KCNIP4: variants seen among roughly 807,000 people sequenced by gnomAD.
KCNIP4 encodes potassium voltage-gated channel interacting protein 4.
In KCNIP4, 12 loss-of-function variants were observed where a neutral mutation model predicts 34.0. That is an observed-to-expected ratio of 0.35 (90% CI 0.23 to 0.57). The LOEUF is 0.57. Ranked by LOEUF, KCNIP4 falls within the 20% of genes least tolerant of loss-of-function variation. The probability of loss-of-function intolerance (pLI) is 0.83; values close to 1 mark genes in which losing one functional copy is unlikely to be tolerated. For missense variants in KCNIP4, 238 were observed against 311.7 expected, an observed-to-expected ratio of 0.76 and a Z score of 1.78; for synonymous variants, 124 against 102.2, an observed-to-expected ratio of 1.21 and a Z score of -1.29.
intron 1 of KCNIP4, among the ~76,000 whole-genome samples, chr4:21,166,372 C>T (rs938839559): frequency 2.0e-5 from 3 of 152,122 alleles, no homozygotes; most frequent in African/African-American, 7.2e-5. Flanking sequence ...TACTGTTACA[C>T]TCCTGGTAAA....
At chr4:21,166,206 A>T (rs1753617311) in intron 1 of KCNIP4, among the ~76,000 whole-genome samples, 1 of 152,212 alleles carries the variant, frequency 6.6e-6, no homozygotes, top group South Asian at 2.1e-4. Flanking sequence ...GTGCTCTCAA[A>T]ACTGAATAAT....
At chr4:21,694,937 T>TA (rs1404975087) in intron 1 of KCNIP4, among the ~76,000 whole-genome samples, 1 of 64,238 alleles carries the variant, frequency 1.6e-5, no homozygotes, top group African/African-American at 7.0e-5. Context: ...AAAATAAAAA[T>TA]AAATAAATAA....
intron 1 of KCNIP4, among the ~76,000 whole-genome samples, chr4:21,870,640 C>T (rs1192156324): frequency 1.3e-5 from 2 of 152,218 alleles, no homozygotes; most frequent in Admixed American, 1.3e-4. Context: ...CTTTGAGCAG[C>T]TTGCTTCGCC....
At chr4:20,901,646 T>C (rs748643803) in intron 1 of KCNIP4, among the ~76,000 whole-genome samples, 2 of 152,188 alleles carry the variant, frequency 1.3e-5, no homozygotes, top group African/African-American at 2.4e-5. Context: ...TGGTGATACA[T>C]AGGTTAAAGT....
intron 1 of KCNIP4, among the ~76,000 whole-genome samples, chr4:21,447,007 A>T (rs533114207): frequency 6.6e-6 from 1 of 152,060 alleles, no homozygotes; most frequent in Non-Finnish European, 1.5e-5. Flanking sequence ...CAGAAAAAAA[A>T]AAAGAAAAAG....
At chr4:21,350,257 C>G (rs547547841) in intron 1 of KCNIP4, among the ~76,000 whole-genome samples, 1 of 151,982 alleles carries the variant, frequency 6.6e-6, no homozygotes, top group Non-Finnish European at 1.5e-5. Context: ...CATTCAGCAA[C>G]GTCTTTTATA....
intron 1 of KCNIP4, among the ~76,000 whole-genome samples, chr4:21,069,359 T>C (rs972586873): frequency 2.0e-5 from 3 of 152,266 alleles, no homozygotes; most frequent in Admixed American, 1.3e-4. Context: ...CACATCATTC[T>C]ACTCTGTTGA....
chr4:21,251,152 A>C (rs112253725), intron 1 of KCNIP4, among the ~76,000 whole-genome samples: 2 of 152,296 alleles, frequency 1.3e-5, no homozygotes, highest in African/African-American at 4.8e-5. Context: ...TAACTAGTAG[A>C]AACACAATGT....
chr4:21,427,898 C>T (rs1377138340), intron 1 of KCNIP4, among the ~76,000 whole-genome samples: 1 of 152,116 alleles, frequency 6.6e-6, no homozygotes, highest in Non-Finnish European at 1.5e-5. Context: ...GGCATACCAG[C>T]TATATAGGTT....
chr4:20,838,929 C>T (rs1254329108), intron 3 of KCNIP4, among the ~76,000 whole-genome samples: 1 of 152,166 alleles, frequency 6.6e-6, no homozygotes, highest in Non-Finnish European at 1.5e-5. Context: ...AAACTACCTA[C>T]ATTTTAATGT....
intron 2 of KCNIP4, among the ~76,000 whole-genome samples, chr4:20,871,335 G>A (rs561257111): frequency 1.3e-5 from 2 of 152,186 alleles, no homozygotes; most frequent in Admixed American, 1.3e-4. Context: ...GGCTGAAGAT[G>A]TGAATATCAG....
intron 1 of KCNIP4, among the ~76,000 whole-genome samples, chr4:21,631,625 C>T (rs1745771611): frequency 6.6e-6 from 1 of 152,150 alleles, no homozygotes. Context: ...AAACCCTCTG[C>T]TATGTCCTCT....
intron 1 of KCNIP4, among the ~76,000 whole-genome samples, chr4:21,394,841 G>T (rs939774619): frequency 1.3e-5 from 2 of 152,050 alleles, no homozygotes; most frequent in African/African-American, 4.8e-5. Context: ...AAAAAGTCTT[G>T]ATTGACACTT....
At chr4:21,578,331 TCAAAAAAA>T (rs1400427861) in intron 1 of KCNIP4, among the ~76,000 whole-genome samples, 1 of 12,750 alleles carries the variant, frequency 7.8e-5, no homozygotes, top group African/African-American at 4.6e-4. Flanking sequence ...AGACTCCGTC[TCAAAAAAA>T]AAAAAAAAAA....
intron 1 of KCNIP4, among the ~76,000 whole-genome samples, chr4:21,200,055 C>T (rs937263785): frequency 1.7e-4 from 26 of 151,242 alleles, no homozygotes; most frequent in East Asian, 5.9e-4. Context: ...GTGGGGGAAG[C>T]GGGGAGGGAT....
chr4:21,281,378 G>A (rs958679599), intron 1 of KCNIP4, among the ~76,000 whole-genome samples: 6 of 152,128 alleles, frequency 3.9e-5, no homozygotes, highest in African/African-American at 7.2e-5. Context: ...GTGAGTCACC[G>A]CACCCAGCCA....
At chr4:20,751,712 CAT>C (rs1188032113) in intron 4 of KCNIP4, among the ~76,000 whole-genome samples, 3 of 152,064 alleles carry the variant, frequency 2.0e-5, no homozygotes, top group Admixed American at 2.0e-4. Flanking sequence ...AAAAAGATAA[CAT>C]GGGTATATGA....
intron 1 of KCNIP4, among the ~76,000 whole-genome samples, chr4:21,276,361 C>CTTTTTTTTTTTT (rs3080866): frequency 7.7e-6 from 1 of 129,232 alleles, no homozygotes; most frequent in Non-Finnish European, 1.6e-5. Context: ...GAGATTTTCT[C>CTTTTTTTTTTTT]TTTTTTTTTT....
intron 1 of KCNIP4, among the ~76,000 whole-genome samples, chr4:21,921,682 A>C (rs1037754267): frequency 8.5e-5 from 13 of 152,182 alleles, no homozygotes; most frequent in Admixed American, 2.6e-4. Flanking sequence ...TCAGTTCACA[A>C]GTCTGCTTAC....
Sources: gnomAD v4.1 joint callset for allele counts (sites outside exome capture counted in the v4.1 genomes callset) on GRCh38, gnomAD v4.1.1 for gene constraint, MANE v1.5 for transcripts, NCBI Gene and HGNC (gene_info 2026-07-23, HGNC 2026-07-21) for gene names.